The following CHL1 variants were observed in gnomAD, a reference collection of about 807,000 sequenced individuals.
CHL1 encodes the protein cell adhesion molecule L1 like, also known as neural cell adhesion molecule L1-like protein.
In CHL1, 96 loss-of-function variants were observed where a neutral mutation model predicts 141.9. That is an observed-to-expected ratio of 0.68 (90% CI 0.57 to 0.80). The LOEUF is 0.80. CHL1 is among the 30% of genes least tolerant of loss of function. The pLI, the probability that CHL1 is intolerant of heterozygous loss-of-function variation, is 0.00. For missense variants in CHL1, 1,820 were observed against 1,457.2 expected, an observed-to-expected ratio of 1.25 and a Z score of -4.05; for synonymous variants, 613 against 502.2, an observed-to-expected ratio of 1.22 and a Z score of -2.95.
chr3:241,971 AC>A (rs1559323599), intron 1 of CHL1, among the ~76,000 whole-genome samples: 1 of 152,202 alleles, frequency 6.6e-6, no homozygotes, highest in Non-Finnish European at 1.5e-5. Context: ...TGTTAATATA[AC>A]AAAAACAAAA....
intron 2 of CHL1, among the ~76,000 whole-genome samples, chr3:305,931 T>C (rs1035079742): frequency 6.6e-6 from 1 of 152,118 alleles, no homozygotes; most frequent in Non-Finnish European, 1.5e-5. Flanking sequence ...ATATTATCAA[T>C]ATTGGAATCA....
At position 239,725 on chromosome 3, in the gene CHL1, C is replaced by G. The variant is rs1194615648; in HGVS notation, c.-174-4888C>G. ...ATTACCCAAGCAGTATACAATGAAC[C>G]CAATTTGTAGTCTTTTATCCCTCAC... On this transcript the variant is annotated intron_variant, in intron 1 of 27. Transcript: ENST00000256509. Among the ~76,000 whole-genome samples, 6 of 151,812 alleles carry G rather than the reference C, an allele frequency of 4.0e-5. 1 individual carries two copies. The South Asian group carries it at 1.3e-3, about 32-fold the overall frequency.
intron 8 of CHL1, among the ~76,000 whole-genome samples, chr3:343,799 G>T (rs967022722): frequency 6.6e-6 from 1 of 152,102 alleles, no homozygotes; most frequent in East Asian, 1.9e-4. Flanking sequence ...CATTTCCTTT[G>T]AGATTAATAA....
intron 2 of CHL1, among the ~76,000 whole-genome samples, chr3:288,993 C>G (rs1369331083): frequency 6.6e-6 from 1 of 152,018 alleles, no homozygotes; most frequent in Non-Finnish European, 1.5e-5. Flanking sequence ...CTTTCAGATA[C>G]TTTTAATCAA....
At chr3:260,298 A>T (rs1216698011) in intron 2 of CHL1, among the ~76,000 whole-genome samples, 2 of 152,170 alleles carry the variant, frequency 1.3e-5, no homozygotes, top group Non-Finnish European at 2.9e-5. Flanking sequence ...GAAAAATCAA[A>T]AAATGGCCAT....
intron 2 of CHL1, among the ~76,000 whole-genome samples, chr3:263,364 C>T (rs930482315): frequency 6.6e-6 from 1 of 151,952 alleles, no homozygotes; most frequent in African/African-American, 2.4e-5. Flanking sequence ...GCTTGCTGAA[C>T]ATTTAACTGA....
intron 15 of CHL1, among the ~76,000 whole-genome samples, chr3:370,434 G>A (rs1705482275): frequency 1.3e-5 from 2 of 151,820 alleles, no homozygotes. Flanking sequence ...TGTGGGGTCA[G>A]TGGTGATGTC....
chr3:326,022 A>G lies in CHL1; in HGVS notation c.155A>G (p.Tyr52Cys), dbSNP rs144055818. The G allele has an allele frequency of 1.7e-3, 2,739 of 1,611,668 alleles. 5 individuals are homozygous for G. The highest frequency in any genetic ancestry group is 2.1e-3 in the Non-Finnish European group (2,531 of 1,178,520). ...CAAGTTGCCTTTCCCTTCGATGAGT[A>G]TTTTCAAATTGAATGTGAAGCTAAA... ...KVQVAFPFDE[Y>C]FQIECEAKGN... Residue 52 changes from tyrosine to cysteine, a missense_variant, in exon 4 of 28, where the codon TAT becomes TGT. Transcript: ENST00000256509.
chr3:384,448 T>G (rs1479634835), intron 19 of CHL1: 2 of 152,174 alleles, frequency 1.3e-5, no homozygotes, highest in East Asian at 3.8e-4. Flanking sequence ...AGCTAGGATT[T>G]ATGTATGAGG....
At chr3:306,427 T>C (rs1357321882) in intron 2 of CHL1, among the ~76,000 whole-genome samples, 1 of 152,184 alleles carries the variant, frequency 6.6e-6, no homozygotes, top group Non-Finnish European at 1.5e-5. Context: ...CTATACCTTT[T>C]TGAATTTGAA....
intron 27 of CHL1, among the ~76,000 whole-genome samples, chr3:404,734 G>A (rs1709399303): frequency 6.6e-6 from 1 of 152,168 alleles, no homozygotes; most frequent in Non-Finnish European, 1.5e-5. Context: ...AGGATCAGAA[G>A]TAAAGGCAGA....
intron 2 of CHL1, among the ~76,000 whole-genome samples, chr3:290,175 C>T (rs552599979): frequency 1.3e-5 from 2 of 152,032 alleles, no homozygotes; most frequent in Admixed American, 6.6e-5. Context: ...AAACAAAAAA[C>T]ATAAAAATGA....
intron 3 of CHL1, 52 bp from the exon 4 acceptor site, chr3:325,907 C>A (rs1022320548): frequency 3.2e-6 from 4 of 1,242,600 alleles, no homozygotes; most frequent in Non-Finnish European, 3.5e-6. Flanking sequence ...TATAGATTAA[C>A]CTTGCCTGCT....
intron 2 of CHL1, among the ~76,000 whole-genome samples, chr3:256,563 G>A (rs1050433872): frequency 6.6e-6 from 1 of 152,148 alleles, no homozygotes; most frequent in Non-Finnish European, 1.5e-5. Flanking sequence ...ACTTGCACCT[G>A]GTCAGTAGAG....
intron 1 of CHL1, among the ~76,000 whole-genome samples, chr3:218,865 G>A (rs1283966971): frequency 6.6e-6 from 1 of 152,140 alleles, no homozygotes; most frequent in Admixed American, 6.6e-5. Context: ...TCAAAAAGTA[G>A]GCCGGGCGCA....
At chr3:328,748 G>A (rs759145799) in intron 5 of CHL1, among the ~76,000 whole-genome samples, 3 of 152,116 alleles carry the variant, frequency 2.0e-5, no homozygotes, top group Non-Finnish European at 4.4e-5. Context: ...CTTTCATGCA[G>A]CCTTCTTGCT....
chr3:208,649 A>G (rs944011382), intron 1 of CHL1, among the ~76,000 whole-genome samples: 2 of 152,170 alleles, frequency 1.3e-5, no homozygotes, highest in East Asian at 3.8e-4. Context: ...TTATTTGAAT[A>G]TGGTACCATT....
intron 2 of CHL1, among the ~76,000 whole-genome samples, chr3:263,141 G>A (rs925573501): frequency 6.6e-6 from 1 of 152,150 alleles, no homozygotes; most frequent in Non-Finnish European, 1.5e-5. Context: ...AAATCCAGAT[G>A]TGCCAGCACT....
At chr3:392,577 A>G (rs1708316086) in intron 23 of CHL1, among the ~76,000 whole-genome samples, 1 of 152,232 alleles carries the variant, frequency 6.6e-6, no homozygotes. Context: ...TTGACATTAT[A>G]GAAAATTTTA....
Sources: gnomAD v4.1 joint callset for allele counts (sites outside exome capture counted in the v4.1 genomes callset) on GRCh38, gnomAD v4.1.1 for gene constraint, MANE v1.5 for transcripts, NCBI Gene and HGNC (gene_info 2026-07-23, HGNC 2026-07-21) for gene names.